LARGE1: variants seen among roughly 807,000 people sequenced by gnomAD.
The protein encoded by LARGE1 is LARGE xylosyl- and glucuronyltransferase 1.
A neutral mutation model predicts 87.6 loss-of-function variants in LARGE1; 43 were observed. That is an observed-to-expected ratio of 0.49 (90% CI 0.38 to 0.63). The LOEUF (loss-of-function observed/expected upper bound fraction) is 0.63. Among genes scored for constraint, LARGE1 ranks in the 30% least tolerant of loss-of-function variants. LARGE1 has a pLI of 0.00. For synonymous variants in LARGE1, 434 were observed against 394.6 expected, an observed-to-expected ratio of 1.10 and a Z score of -1.18; for missense variants, 802 against 1,000.2, an observed-to-expected ratio of 0.80 and a Z score of 2.67.
Position 33,337,741 on chromosome 22 carries a change from G to GA in LARGE1, c.1191dup (p.Arg398SerfsTer11). The GA allele has an allele frequency of 6.2e-7, 1 of 1,614,126 alleles. No homozygotes were observed. Among genetic ancestry groups the GA allele is most frequent in the Admixed American group, 1.7e-5 (1 of 60,020 alleles). Reference sequence around the variant, plus strand: ...TCCAGGAAGGTCAGGTAGAGGTTGCGAAAAAACTCCACATGCTTGTTCTTC... The same window carrying GA: ...TCCAGGAAGGTCAGGTAGAGGTTGCGAAAAAAACTCCACATGCTTGTTCTTC... On this transcript the variant is annotated frameshift_variant, in exon 10 of 15. Coordinates refer to ENST00000397394, the MANE Select transcript of LARGE1 (RefSeq NM_133642.5). LOFTEE classifies it high-confidence loss of function.
chr22:33,629,192 C>G (rs1009639095), intron 3 of LARGE1, among the ~76,000 whole-genome samples: 1 of 152,094 alleles, frequency 6.6e-6, no homozygotes, highest in Non-Finnish European at 1.5e-5. Flanking sequence ...GTAACTGTCA[C>G]CATTTCAATC....
At chr22:33,198,676 C>CACACACACATACACACAT (rs60375534) in intron 11 of LARGE1, among the ~76,000 whole-genome samples, 1 of 148,568 alleles carries the variant, frequency 6.7e-6, no homozygotes, top group African/African-American at 2.5e-5. Flanking sequence ...CACACACACA[C>CACACACACATACACACAT]GTATCTAAAA....
intron 1 of LARGE1, among the ~76,000 whole-genome samples, chr22:33,908,724 T>G (rs2065532016): frequency 6.6e-6 from 1 of 152,208 alleles, no homozygotes; most frequent in Non-Finnish European, 1.5e-5. Context: ...AAAGACTTGC[T>G]GTCTGTAAGG....
chr22:33,177,022 C>T (rs1423655130), intron 11 of LARGE1, among the ~76,000 whole-genome samples: 2 of 152,182 alleles, frequency 1.3e-5, no homozygotes, highest in African/African-American at 4.8e-5. Flanking sequence ...ATGGATGAAG[C>T]TGGAAACTGT....
intron 5 of LARGE1, among the ~76,000 whole-genome samples, chr22:33,570,094 G>A (rs2078151100): frequency 6.6e-6 from 1 of 152,154 alleles, no homozygotes; most frequent in South Asian, 2.1e-4. Flanking sequence ...AATGAGCTGT[G>A]TGACCTCAGG....
intron 9 of LARGE1, among the ~76,000 whole-genome samples, chr22:33,362,436 C>T (rs143764300): frequency 6.7e-6 from 1 of 149,680 alleles, no homozygotes; most frequent in Non-Finnish European, 1.5e-5. Context: ...AAAGGATATA[C>T]ACTTTTGCCT....
At chr22:33,189,681 C>G (rs192440811) in intron 11 of LARGE1, among the ~76,000 whole-genome samples, 47 of 152,300 alleles carry the variant, frequency 3.1e-4, no homozygotes, top group Middle Eastern at 3.4e-3. Flanking sequence ...GGAGGACAAG[C>G]CCCATTGCTG....
At chr22:33,191,652 T>C (rs1227253168) in intron 11 of LARGE1, among the ~76,000 whole-genome samples, 4 of 152,248 alleles carry the variant, frequency 2.6e-5, no homozygotes, top group Non-Finnish European at 5.9e-5. Flanking sequence ...CCAGTGGTGC[T>C]GGCAAGGTGA....
the LARGE1 span, among the ~76,000 whole-genome samples, chr22:33,144,345 A>G: frequency 6.6e-6 from 1 of 152,182 alleles, no homozygotes; most frequent in African/African-American, 2.4e-5. Flanking sequence ...ATAGTTTTTA[A>G]TCATAAGATT....
chr22:33,742,604 G>A (rs1222263941), intron 2 of LARGE1, among the ~76,000 whole-genome samples: 1 of 152,174 alleles, frequency 6.6e-6, no homozygotes, highest in Non-Finnish European at 1.5e-5. Context: ...AGGTCTTCTG[G>A]TGCAAGAACC....
At chr22:33,398,640 C>G (rs1042908838) in intron 7 of LARGE1, among the ~76,000 whole-genome samples, 1 of 152,180 alleles carries the variant, frequency 6.6e-6, no homozygotes, top group African/African-American at 2.4e-5. Flanking sequence ...ATGTCCAAGT[C>G]CTGACCCCCA....
chr22:33,267,096 C>T lies in LARGE1; in HGVS notation c.1730+37133G>A, dbSNP rs1471338383. On this transcript the variant is annotated intron_variant, in intron 11 of 11. Transcript: ENST00000608642. Reference sequence around the variant, plus strand: ...ATCTAGTAAAAACACAAAAATTAGCCGGGTGTGGTGGCGTTCGCCTGTAAT... The same window carrying T: ...ATCTAGTAAAAACACAAAAATTAGCTGGGTGTGGTGGCGTTCGCCTGTAAT... Among the ~76,000 whole-genome samples, 3 of 151,496 alleles carry T rather than the reference C, an allele frequency of 2.0e-5. 1 individual carries two copies. The highest frequency in any genetic ancestry group is 4.2e-4 in the South Asian group (2 of 4,816).
chr22:33,231,874 T>C (rs1926022500), intron 11 of LARGE1, among the ~76,000 whole-genome samples: 1 of 152,198 alleles, frequency 6.6e-6, no homozygotes, highest in African/African-American at 2.4e-5. Flanking sequence ...ACTACAACCA[T>C]CATTAATTCT....
In LARGE1 at chr22:33,325,934, G is replaced by A. The variant is rs551145149; in HGVS notation, c.1288-9686C>T. 2.6e-5 allele frequency among the ~76,000 whole-genome samples: 4 copies of A among 152,244 alleles called. No homozygotes were observed. In the East Asian group the frequency reaches 5.8e-4, roughly 22 times the overall value. The stretch of plus-strand genomic sequence containing the variant: ...GGCCCAAGGTGCTCAGAGAAGCTGG[G>A]GCTCCAACTCTGGTCTCCTGAAACC... On this transcript the variant is annotated intron_variant, in intron 10 of 14. Coordinates refer to ENST00000397394, the MANE Select transcript of LARGE1 (RefSeq NM_133642.5).
intron 1 of LARGE1, among the ~76,000 whole-genome samples, chr22:33,773,398 T>G (rs1021326823): frequency 6.6e-6 from 1 of 152,222 alleles, no homozygotes; most frequent in African/African-American, 2.4e-5. Context: ...TTTGTCTTGA[T>G]CCTGCTGCGA....
At chr22:33,559,419 T>C (rs1232443263) in intron 6 of LARGE1, among the ~76,000 whole-genome samples, 2 of 152,198 alleles carry the variant, frequency 1.3e-5, no homozygotes, top group East Asian at 3.9e-4. Flanking sequence ...TGACCTCAGG[T>C]GATCCACCCC....
chr22:33,134,612 TTAA>T, the LARGE1 span, among the ~76,000 whole-genome samples: 1 of 152,152 alleles, frequency 6.6e-6, no homozygotes, highest in Non-Finnish European at 1.5e-5. Context: ...CATACCTGTC[TTAA>T]TAACGGCAGT....
intron 6 of LARGE1, among the ~76,000 whole-genome samples, chr22:33,520,421 C>G (rs1298342207): frequency 6.6e-6 from 1 of 152,276 alleles, no homozygotes; most frequent in Middle Eastern, 3.4e-3. Flanking sequence ...ATGGGGGTGG[C>G]TGTTCTCCAA....
chr22:33,280,891 G>A (rs138699064), intron 13 of LARGE1, among the ~76,000 whole-genome samples: 3 of 152,296 alleles, frequency 2.0e-5, no homozygotes, highest in African/African-American at 7.2e-5. Context: ...GATGCAGGAG[G>A]TCTGGGCTAG....
Sources: allele counts gnomAD v4.1 joint callset (sites outside exome capture counted in the v4.1 genomes callset), GRCh38; gene constraint gnomAD v4.1.1; transcripts MANE v1.5; gene names NCBI Gene and HGNC (gene_info 2026-07-23, HGNC 2026-07-21).